AIG1: variants seen among roughly 807,000 people sequenced by gnomAD.
AIG1 encodes the protein androgen induced 1, also known as androgen-induced gene 1 protein.
Under a neutral mutation model 31.4 loss-of-function variants are expected in AIG1, and 23 were observed. The observed-to-expected ratio is 0.73, with a 90% CI of 0.53 to 1.04. The LOEUF is 1.04. AIG1 is among the 50% of genes least tolerant of loss of function. The probability of loss-of-function intolerance (pLI) is 0.00; values close to 1 mark genes in which losing one functional copy is unlikely to be tolerated. For synonymous variants in AIG1, 100 were observed against 110.5 expected (o/e 0.90, Z 0.60); for missense variants, 274 against 295.0 (o/e 0.93, Z 0.52).
intron 3 of AIG1, among the ~76,000 whole-genome samples, chr6:143,263,618 C>T (rs184029957): frequency 1.4e-3 from 209 of 152,170 alleles, no homozygotes; most frequent in African/African-American, 4.8e-3. Context: ...ACAAAGGAAT[C>T]GGTGTTAACA....
chr6:143,138,892 CA>C (rs36106013), intron 2 of AIG1, among the ~76,000 whole-genome samples: 4,850 of 72,880 alleles, frequency 0.067, 179 homozygotes, highest in African/African-American at 0.17. Context: ...GACTCTGTCT[CA>C]AAAAAAAAAA....
At chr6:143,294,470 A>G (rs201461543) in intron 4 of AIG1, among the ~76,000 whole-genome samples, 2 of 152,194 alleles carry the variant, frequency 1.3e-5, no homozygotes, top group East Asian at 3.9e-4. Context: ...GGGCCAAGTC[A>G]CTTAACCTCT....
chr6:143,068,846 T>G (rs146998768), intron 1 of AIG1, among the ~76,000 whole-genome samples: 1 of 152,152 alleles, frequency 6.6e-6, no homozygotes, highest in East Asian at 1.9e-4. Context: ...AAAAATCATA[T>G]TCTTTAAAAC....
At chr6:143,162,213 A>T (rs962585525) in intron 2 of AIG1, among the ~76,000 whole-genome samples, 8 of 152,176 alleles carry the variant, frequency 5.3e-5, no homozygotes, top group African/African-American at 1.7e-4. Flanking sequence ...GGTTCAGCAA[A>T]ATATGTGCAG....
chr6:143,294,553 A>T (rs1273048780), intron 4 of AIG1, among the ~76,000 whole-genome samples: 2 of 152,306 alleles, frequency 1.3e-5, no homozygotes, highest in Middle Eastern at 6.8e-3. Flanking sequence ...CATTACCATT[A>T]AACTAATACT....
intron 1 of AIG1, among the ~76,000 whole-genome samples, chr6:143,083,365 G>C (rs775450980): frequency 6.6e-4 from 100 of 152,248 alleles, no homozygotes; most frequent in Non-Finnish European, 1.1e-3. Flanking sequence ...TGAACCCTTG[G>C]GGTAAAACAG....
chr6:143,188,595 A>T, intron 3 of AIG1: 22 of 985,292 alleles, frequency 2.2e-5, no homozygotes, highest in Non-Finnish European at 2.5e-5. Flanking sequence ...CAAGTCATCT[A>T]TTCTCTTATG....
chr6:143,154,183 A>G (rs935608620), intron 2 of AIG1, among the ~76,000 whole-genome samples: 1 of 152,016 alleles, frequency 6.6e-6, no homozygotes, highest in Non-Finnish European at 1.5e-5. Context: ...GAAACTTACT[A>G]AAATTAAAAT....
Position 143,320,203 on chromosome 6 carries a change from AG to A in AIG1, c.516-13078del, listed in dbSNP as rs569878005. On this transcript the variant is annotated intron_variant, in intron 4 of 5. Coordinates refer to ENST00000357847, the MANE Select transcript of AIG1 (RefSeq NM_016108.4). The stretch of plus-strand genomic sequence containing the variant: ...ACACCAGTTAAAATGGCTATTATAA[AG>A]AAAAAAAAGGATGAGTGTTTGCAAG... Among the ~76,000 whole-genome samples, 14 of 152,340 alleles carry A rather than the reference AG, an allele frequency of 9.2e-5. No individual in the cohort carries two copies. The East Asian group carries it at 2.5e-3, about 27-fold the overall frequency.
chr6:143,238,673 C>T (rs757288955), intron 3 of AIG1, among the ~76,000 whole-genome samples: 13 of 152,186 alleles, frequency 8.5e-5, no homozygotes, highest in African/African-American at 1.2e-4. Flanking sequence ...GAAGCAGACA[C>T]GCTAGCAATG....
chr6:143,196,536 C>G (rs557719660), intron 3 of AIG1, among the ~76,000 whole-genome samples: 53 of 152,184 alleles, frequency 3.5e-4, no homozygotes, highest in African/African-American at 1.2e-3. Context: ...CCATTTGATT[C>G]TGAGGGGATT....
intron 1 of AIG1, among the ~76,000 whole-genome samples, chr6:143,103,806 A>G (rs147396611): frequency 1.7e-4 from 26 of 152,240 alleles, no homozygotes; most frequent in African/African-American, 5.8e-4. Flanking sequence ...GAGCTACTGA[A>G]CATCCTTCTT....
At chr6:143,174,706 T>A (rs1439017641) in intron 3 of AIG1, among the ~76,000 whole-genome samples, 1 of 152,116 alleles carries the variant, frequency 6.6e-6, no homozygotes, top group African/African-American at 2.4e-5. Context: ...TTACATTCAA[T>A]GTTATTATTG....
chr6:143,188,126 G>A lies in AIG1; in HGVS notation c.399+22943G>A, dbSNP rs143420323. 313 of 1,006,544 alleles carry A rather than the reference G, an allele frequency of 3.1e-4. No homozygotes were observed. The East Asian group carries it at 0.012, about 38-fold the overall frequency. The allele number at this position is 1,006,544 out of a possible 1,614,324, so 62.4% of individuals were successfully genotyped here. On this transcript the variant is annotated intron_variant, in intron 3 of 5. Coordinates refer to ENST00000357847, the MANE Select transcript of AIG1 (RefSeq NM_016108.4). ...GGGAGTTTAAAATGAAGGATAAGCC[G>A]CAAATGAGGATGAAGTTAATGGATA...
chr6:143,315,711 T>C (rs976765342), intron 4 of AIG1, among the ~76,000 whole-genome samples: 9 of 152,108 alleles, frequency 5.9e-5, no homozygotes, highest in African/African-American at 2.2e-4. Flanking sequence ...TTGACACTTA[T>C]AAAAATTCTA....
intron 3 of AIG1, among the ~76,000 whole-genome samples, chr6:143,220,798 C>T (rs1317768353): frequency 1.3e-5 from 2 of 152,226 alleles, no homozygotes; most frequent in Non-Finnish European, 2.9e-5. Context: ...GCTGGCAGCA[C>T]ATTTATTACT....
chr6:143,342,227 A>G (rs1367959261), downstream of AIG1: 1 of 676,322 alleles, frequency 1.5e-6, no homozygotes, highest in Non-Finnish European at 2.7e-6. Context: ...CCGTCCTAAA[A>G]TTTTCTTGTA....
chr6:143,230,659 A>AAT (rs1326145025), intron 3 of AIG1, among the ~76,000 whole-genome samples: 1 of 151,594 alleles, frequency 6.6e-6, no homozygotes, highest in Non-Finnish European at 1.5e-5. Context: ...TTTTAATAAT[A>AAT]ATATATATGT....
downstream of AIG1, chr6:143,342,196 T>A: frequency 3.1e-6 from 2 of 637,078 alleles, no homozygotes; most frequent in Non-Finnish European, 5.8e-6. Flanking sequence ...GTACTGGGAT[T>A]ACAGGCGTGA....
Sources: allele counts gnomAD v4.1 joint callset (sites outside exome capture counted in the v4.1 genomes callset), GRCh38; gene constraint gnomAD v4.1.1; transcripts MANE v1.5; gene names NCBI Gene and HGNC (gene_info 2026-07-23, HGNC 2026-07-21).